The following FLYWCH1 variants were observed in gnomAD, a reference collection of about 807,000 sequenced individuals.
FLYWCH1 encodes the protein FLYWCH-type zinc finger 1, also known as FLYWCH-type zinc finger-containing protein 1.
In FLYWCH1, 75 loss-of-function variants were observed where a neutral mutation model predicts 66.4. The observed-to-expected ratio is 1.13, with a 90% CI of 0.94 to 1.37. The LOEUF (loss-of-function observed/expected upper bound fraction) is 1.37, where lower values mean the gene tolerates loss of function less well. FLYWCH1 is among the 40% of genes most tolerant of loss of function. The probability of loss-of-function intolerance (pLI) is 0.00; values close to 1 mark genes in which losing one functional copy is unlikely to be tolerated. For synonymous variants in FLYWCH1, 595 were observed against 429.9 expected, an observed-to-expected ratio of 1.38 and a Z score of -4.75; for missense variants, 1,334 against 1,001.8, an observed-to-expected ratio of 1.33 and a Z score of -4.48.
chr16:2,944,007 T>G (rs12051372), intron 9 of FLYWCH1, among the ~76,000 whole-genome samples: 42,699 of 151,794 alleles, frequency 0.28, 6,134 homozygotes, highest in Admixed American at 0.3. Context: ...GAGATGGAAG[T>G]GTCACCTGAG....
chr16:2,929,983 G>A lies in FLYWCH1; in HGVS notation c.298G>A (p.Glu100Lys), dbSNP rs117969741. ...GVVQPALEMP[E>K]QKCSKLDAAA... ...GGTCCAGCCAGCCCTAGAGATGCCT[G>A]AACAGAAGTGCAGCAAGCTGGATGC... The change falls in exon 3 of 10, where the codon GAA becomes AAA. Residue 100 changes from glutamate (E) to lysine (K), a missense_variant. Physicochemically the swap from Glu to Lys is moderately conservative, Grantham distance 56 (BLOSUM62 1). Transcript: ENST00000253928. 988 of 1,608,030 alleles carry A rather than the reference G, an allele frequency of 6.1e-4. 14 individuals are homozygous for A. The East Asian group carries it at 0.019, about 31-fold the overall frequency.
In FLYWCH1 at chr16:2,933,110, C is replaced by A. The variant is rs979513075; in HGVS notation, c.797-20C>A. 5 of 1,603,504 alleles carry A rather than the reference C, an allele frequency of 3.1e-6. No homozygotes were observed. Among genetic ancestry groups the A allele is most frequent in the Non-Finnish European group, 4.3e-6 (5 of 1,174,036 alleles). Reference sequence around the variant, plus strand: ...TCCTCTCCACCCCTGGTGATGTGACCACTTGGGTCTCTCCTCTAGGACAGG... The same window carrying A: ...TCCTCTCCACCCCTGGTGATGTGACAACTTGGGTCTCTCCTCTAGGACAGG... On this transcript the variant is annotated intron_variant, in intron 4 of 9. Coordinates refer to ENST00000253928, the MANE Select transcript of FLYWCH1 (RefSeq NM_001308068.2).
At chr16:2,925,561 G>C (rs1371244053) in intron 2 of FLYWCH1, among the ~76,000 whole-genome samples, 1 of 142,030 alleles carries the variant, frequency 7.0e-6, no homozygotes, top group East Asian at 2.2e-4. Flanking sequence ...CGCGCGCGGG[G>C]TAGGGGGAGT....
At chr16:2,948,518 G>T (rs768420895) in intron 9 of FLYWCH1, among the ~76,000 whole-genome samples, 170 bp from the exon 10 acceptor site, 2 of 152,078 alleles carry the variant, frequency 1.3e-5, no homozygotes, top group Admixed American at 1.3e-4. Flanking sequence ...AGCCGAGATC[G>T]CACCACTGCA....
intron 2 of FLYWCH1, chr16:2,922,768 C>G (rs1328777349): frequency 3.9e-6 from 2 of 518,384 alleles, no homozygotes; most frequent in African/African-American, 1.9e-5. Flanking sequence ...ACCTGGGCCA[C>G]AACCACCTCA....
intron 2 of FLYWCH1, chr16:2,922,766 C>G: frequency 1.9e-6 from 1 of 518,058 alleles, no homozygotes; most frequent in Admixed American, 2.0e-5. Flanking sequence ...TGACCTGGGC[C>G]ACAACCACCT....
chr16:2,930,134 T>G, intron 3 of FLYWCH1, 124 bp downstream of exon 3: 1 of 899,578 alleles, frequency 1.1e-6, no homozygotes, highest in Non-Finnish European at 1.7e-6. Context: ...TCTTGGTCTC[T>G]GATCCTGAGC....
rs2070861610 is a variant in FLYWCH1 at position 2,933,536 on chromosome 16, C to G, written c.1203C>G (p.Thr401=). The change falls in exon 5 of 10, where the codon ACC becomes ACG. Residue 401 remains threonine (T), a synonymous_variant. Transcript: ENST00000253928. ...RAKVEDQELP[T]QPEAPDEHQD... is the part of the protein sequence containing the mutation. Reference sequence around the variant, plus strand: ...AGGTCGAAGACCAGGAGCTGCCAACCCAGCCCGAGGCCCCAGACGAGCACC... The same window carrying G: ...AGGTCGAAGACCAGGAGCTGCCAACGCAGCCCGAGGCCCCAGACGAGCACC... The G allele has an allele frequency of 3.7e-6, 6 of 1,609,472 alleles. No homozygotes were observed. The East Asian group carries it at 1.3e-4, about 36-fold the overall frequency.
chr16:2,934,637 G>T (rs1305430207), intron 6 of FLYWCH1: 1 of 456,842 alleles, frequency 2.2e-6, no homozygotes, highest in Middle Eastern at 3.3e-4. Context: ...CTTTCCAGTG[G>T]CTCTTCCGGA....
chr16:2,934,460 G>A (rs1044295460), intron 6 of FLYWCH1, among the ~76,000 whole-genome samples: 3 of 152,182 alleles, frequency 2.0e-5, no homozygotes, highest in Admixed American at 6.5e-5. Flanking sequence ...GGAGGGTCCC[G>A]GCTGTCTCCA....
At chr16:2,924,692 G>T (rs569818219) in intron 2 of FLYWCH1, among the ~76,000 whole-genome samples, 1 of 152,340 alleles carries the variant, frequency 6.6e-6, no homozygotes, top group East Asian at 1.9e-4. Flanking sequence ...GTTCAGGCAG[G>T]TGGAGACAAA....
Position 2,929,594 on chromosome 16 carries a change from A to T in FLYWCH1, c.-73-19A>T, listed in dbSNP as rs2070688704. On this transcript the variant is annotated intron_variant, in intron 2 of 9. Transcript: ENST00000253928. ...CCCAAGGGCTTCCACCACTGACGGG[A>T]TTTTGCTTCCTTCCTTAGGACGGAA... 1 of 1,452,984 alleles carries T rather than the reference A, an allele frequency of 6.9e-7. No individual in the cohort carries two copies. 90.0% of individuals were successfully genotyped at this position (1,452,984 alleles called of 1,614,324 possible). A position where few individuals can be genotyped will look rare whatever the true frequency, so the allele number is the denominator to read the frequency against.
chr16:2,935,140 C>G (rs2070945286), intron 6 of FLYWCH1: 1 of 152,492 alleles, frequency 6.6e-6, no homozygotes, highest in Non-Finnish European at 1.5e-5. Flanking sequence ...CCAGGCTGGT[C>G]TCAAACTCCC....
chr16:2,916,955 C>A (rs1479070876), intron 2 of FLYWCH1, among the ~76,000 whole-genome samples: 2 of 140,336 alleles, frequency 1.4e-5, no homozygotes, highest in Non-Finnish European at 3.1e-5. Flanking sequence ...TTAGCCTGGA[C>A]AACATGGTGA....
Position 2,929,780 on chromosome 16 carries a change from C to T in FLYWCH1, c.95C>T (p.Ala32Val), listed in dbSNP as rs369521432. ...PKPGTDVIPA[A>V]PRKPREFSKL... ...CCAGGCACGGACGTCATCCCGGCAG[C>T]CCCCAGGAAGCCCAGGGAGTTCTCC... Residue 32 changes from alanine to valine, a missense_variant, in exon 3 of 10, where the codon GCC becomes GTC. Transcript: ENST00000253928. 1 of 1,613,900 alleles carries T rather than the reference C, an allele frequency of 6.2e-7. No homozygotes were observed. Among genetic ancestry groups the T allele is most frequent in the African/African-American group, 1.3e-5 (1 of 75,042 alleles).
chr16:2,920,695 C>A (rs1204709826), intron 2 of FLYWCH1, among the ~76,000 whole-genome samples: 15 of 151,844 alleles, frequency 9.9e-5, no homozygotes, highest in Non-Finnish European at 2.2e-4. Flanking sequence ...GCATATGCCA[C>A]CATGCCTGGC....
In FLYWCH1 at chr16:2,933,679, C is replaced by T. The variant is rs772924165; in HGVS notation, c.1250-37C>T. 6.9e-6 allele frequency: 11 copies of T among 1,595,202 alleles called. No individual in the cohort carries two copies. In the East Asian group the frequency reaches 2.5e-4, roughly 36 times the overall value. On this transcript the variant is annotated intron_variant, in intron 5 of 9. Coordinates refer to ENST00000253928, the MANE Select transcript of FLYWCH1 (RefSeq NM_001308068.2). ...GGGTGCGATCAGGCCTACCCAGCCC[C>T]TGTCCCCTCCCCTGACTGCCTCTTG...
rs761336488 is a variant in FLYWCH1 at position 2,933,189 on chromosome 16, G to A, written c.856G>A (p.Glu286Lys). The change falls in exon 5 of 10, where the codon GAG (glutamate) becomes AAG (lysine). Residue 286 changes from glutamate to lysine, a missense_variant. Glu to Lys is a moderately conservative substitution (Grantham distance 56, BLOSUM62 1). Coordinates refer to ENST00000253928, the MANE Select transcript of FLYWCH1 (RefSeq NM_001308068.2). ...TCYGGSFLVH[E>K]SFLYKREKAV... is the part of the protein sequence containing the mutation. ...CTACGGGGGCAGCTTCCTGGTACAC[G>A]AGTCGTTCCTCTACAAGCGGGAGAA... is the stretch of plus-strand genomic sequence containing the variant. 1.2e-5 allele frequency: 19 copies of A among 1,613,588 alleles called. No individual in the cohort carries two copies. The highest frequency in any genetic ancestry group is 9.4e-5 in the African/African-American group (7 of 74,860).
chr16:2,924,792 G>C (rs1317931598), intron 2 of FLYWCH1, among the ~76,000 whole-genome samples: 1 of 152,216 alleles, frequency 6.6e-6, no homozygotes, highest in Admixed American at 6.5e-5. Context: ...GGCAAGAGTG[G>C]GAACGGGTCC....
Sources: allele counts gnomAD v4.1 joint callset (sites outside exome capture counted in the v4.1 genomes callset), GRCh38; gene constraint gnomAD v4.1.1; transcripts MANE v1.5; gene names NCBI Gene and HGNC (gene_info 2026-07-23, HGNC 2026-07-21).